Variants in METTL9 observed in about 807,000 individuals in gnomAD.
The protein encoded by METTL9 is protein-L-histidine N-pros-methyltransferase.
Under a neutral mutation model 36.0 loss-of-function variants are expected in METTL9, and 10 were observed. The ratio of observed to expected loss-of-function variants is 0.28; its 90% CI spans 0.17 to 0.47. The LOEUF (loss-of-function observed/expected upper bound fraction) is 0.47. METTL9 is among the 20% of genes least tolerant of loss of function. The pLI, the probability that METTL9 is intolerant of heterozygous loss-of-function variation, is 0.99. For synonymous variants in METTL9, 175 were observed against 149.7 expected, an observed-to-expected ratio of 1.17 and a Z score of -1.23; for missense variants, 246 against 383.5, an observed-to-expected ratio of 0.64 and a Z score of 3.00.
rs948950848 is a variant in METTL9 at position 21,627,099 on chromosome 16, T to C, written c.751+1984T>C. ...GAAGCCTTGTTGCTATGGGTGACTTTTAGTGACCTATAAATTTTGCAGGCG... is the reference window on the plus strand; with the variant it reads ...GAAGCCTTGTTGCTATGGGTGACTTCTAGTGACCTATAAATTTTGCAGGCG... On this transcript the variant is annotated intron_variant, in intron 4 of 4. Transcript: ENST00000358154. 10 of 985,260 alleles carry C rather than the reference T, an allele frequency of 1.0e-5. No individual in the cohort carries two copies. The African/African-American group carries it at 1.7e-4, about 17-fold the overall frequency. 61.0% of individuals were successfully genotyped at this position (985,260 alleles called of 1,614,324 possible).
chr16:21,620,847 C>G (rs1965675327), intron 3 of METTL9, among the ~76,000 whole-genome samples: 1 of 152,106 alleles, frequency 6.6e-6, no homozygotes, highest in Non-Finnish European at 1.5e-5. Context: ...TTAGAGGTCA[C>G]CCAATCCAAG....
chr16:21,630,554 C>T (rs999901629), intron 4 of METTL9, among the ~76,000 whole-genome samples: 2 of 152,344 alleles, frequency 1.3e-5, no homozygotes, highest in Non-Finnish European at 2.9e-5. Context: ...GGGAATTTGG[C>T]TGATGACCAC....
chr16:21,619,629 G>A (rs1332909314), intron 3 of METTL9, among the ~76,000 whole-genome samples: 2 of 147,294 alleles, frequency 1.4e-5, no homozygotes, highest in Non-Finnish European at 3.0e-5. Context: ...GTAGAGACAG[G>A]GTTTCACTAT....
At chr16:21,643,138 C>G (rs146422757) in intron 4 of METTL9, 18 of 1,606,006 alleles carry the variant, frequency 1.1e-5, no homozygotes, top group Non-Finnish European at 1.5e-5. Context: ...CTGAAAAATA[C>G]GCCGAGCACT....
chr16:21,641,547 T>C, intron 4 of METTL9: 1 of 1,587,700 alleles, frequency 6.3e-7, no homozygotes, highest in Non-Finnish European at 8.6e-7. Flanking sequence ...TGGCCTTTCA[T>C]AGTTGGAAAG....
At chr16:21,598,748 C>G (rs1168683951), upstream of METTL9, among the ~76,000 whole-genome samples, 1 of 152,110 alleles carries the variant, frequency 6.6e-6, no homozygotes, top group Non-Finnish European at 1.5e-5. Flanking sequence ...TGAGTTCACT[C>G]TTAAGAGTGT....
At chr16:21,647,480 G>A (rs1966462101) in intron 4 of METTL9, 7 of 1,610,652 alleles carry the variant, frequency 4.3e-6, no homozygotes, top group Non-Finnish European at 5.9e-6. Flanking sequence ...GAGAGTACAG[G>A]CGCCCACAGC....
At chr16:21,629,120 C>G (rs995742050) in intron 4 of METTL9, among the ~76,000 whole-genome samples, 1 of 152,086 alleles carries the variant, frequency 6.6e-6, no homozygotes, top group South Asian at 2.1e-4. Context: ...TCTTGAACTC[C>G]TGACCTCAAG....
Position 21,624,039 on chromosome 16 carries a change from G to A in METTL9, c.567-892G>A, listed in dbSNP as rs189461365. ...CTGCCTTGGCCTCCCAAAGTGCTAG[G>A]ATTACAGGCGTGAGCCACCGTGCCC... On this transcript the variant is annotated intron_variant, in intron 3 of 4. Transcript: ENST00000358154. Among the ~76,000 whole-genome samples the A allele has an allele frequency of 1.5e-3, 222 of 152,272 alleles. 3 individuals are homozygous for A. In the Middle Eastern group the frequency reaches 0.048, roughly 33 times the overall value.
chr16:21,615,110 A>G (rs1352516119), intron 2 of METTL9, among the ~76,000 whole-genome samples: 1 of 152,202 alleles, frequency 6.6e-6, no homozygotes, highest in Non-Finnish European at 1.5e-5. Context: ...ATCCTGGTTG[A>G]TAAACACTGG....
chr16:21,627,497 C>A, intron 4 of METTL9: 1 of 355,660 alleles, frequency 2.8e-6, no homozygotes, highest in Non-Finnish European at 3.9e-6. Context: ...TTTAAGCACC[C>A]CCCAAAGAAG....
intron 1 of METTL9, among the ~76,000 whole-genome samples, chr16:21,601,461 T>C (rs1965123981): frequency 6.6e-6 from 1 of 152,196 alleles, no homozygotes; most frequent in African/African-American, 2.4e-5. Flanking sequence ...GCTATTGGTA[T>C]TTATAACACT....
At chr16:21,642,930 C>G in intron 4 of METTL9, 1 of 561,026 alleles carries the variant, frequency 1.8e-6, no homozygotes, top group Non-Finnish European at 3.2e-6. Context: ...AAAACAGGTT[C>G]TATATAAAAA....
chr16:21,636,853 T>C (rs1470964397), intron 4 of METTL9, among the ~76,000 whole-genome samples: 1 of 152,032 alleles, frequency 6.6e-6, no homozygotes, highest in East Asian at 1.9e-4. Flanking sequence ...TAGGACAGAA[T>C]AGCAAGTGAA....
chr16:21,597,375 C>A, upstream of METTL9: 1 of 966,032 alleles, frequency 1.0e-6, no homozygotes, highest in Non-Finnish European at 1.4e-6. Context: ...CTTCCTGTGC[C>A]TGCTAAATGT....
chr16:21,613,439 A>G (rs1316198404), intron 2 of METTL9, among the ~76,000 whole-genome samples: 1 of 151,896 alleles, frequency 6.6e-6, no homozygotes, highest in Non-Finnish European at 1.5e-5. Flanking sequence ...TTTGCCTCCC[A>G]AAGTGCTGGG....
At chr16:21,647,777 C>A (rs552662569) in intron 4 of METTL9, among the ~76,000 whole-genome samples, 1 of 152,014 alleles carries the variant, frequency 6.6e-6, no homozygotes, top group Non-Finnish European at 1.5e-5. Context: ...GAGGTGGCAC[C>A]GTATTGGACT....
chr16:21,649,910 T>C (rs1363895374), intron 4 of METTL9, among the ~76,000 whole-genome samples: 1 of 152,066 alleles, frequency 6.6e-6, no homozygotes, highest in Non-Finnish European at 1.5e-5. Flanking sequence ...GGTTTTGCGA[T>C]GTTGGCCAGC....
At chr16:21,652,044 C>T (rs1966589344) in intron 4 of METTL9, 1 of 152,054 alleles carries the variant, frequency 6.6e-6, no homozygotes, top group South Asian at 2.1e-4. Flanking sequence ...TATTGGAAAT[C>T]CTTTCTCTTT....
Sources: gnomAD v4.1 joint callset for allele counts (sites outside exome capture counted in the v4.1 genomes callset) on GRCh38, gnomAD v4.1.1 for gene constraint, MANE v1.5 for transcripts, NCBI Gene and HGNC (gene_info 2026-07-23, HGNC 2026-07-21) for gene names.